The following COL4A3 variants were observed in gnomAD, a reference collection of about 807,000 sequenced individuals.
COL4A3 encodes collagen type IV alpha 3 chain.
COL4A3 carries 135 observed loss-of-function variants against 217.4 expected under a neutral mutation model. The observed-to-expected ratio is 0.62, with a 90% CI of 0.54 to 0.72. The LOEUF is 0.72. Ranked by LOEUF, COL4A3 falls within the 30% of genes least tolerant of loss-of-function variation. The probability of loss-of-function intolerance (pLI) is 0.00; values close to 1 mark genes in which losing one functional copy is unlikely to be tolerated. For missense variants in COL4A3, 1,868 were observed against 2,119.9 expected (o/e 0.88, Z 2.33); for synonymous variants, 690 against 736.3 (o/e 0.94, Z 1.02).
At chr2:227,296,374 T>G in intron 41 of COL4A3, 1 of 314,436 alleles carries the variant, frequency 3.2e-6, no homozygotes, top group Non-Finnish European at 4.6e-6. Context: ...ACACTAGCTT[T>G]TAACTGGAAA....
At chr2:227,229,171 C>T (rs896819406) in intron 1 of COL4A3, among the ~76,000 whole-genome samples, 1 of 152,090 alleles carries the variant, frequency 6.6e-6, no homozygotes, top group Non-Finnish European at 1.5e-5. Flanking sequence ...ACGGGCACTG[C>T]GAGAATTGAG....
At chr2:227,300,123 A>C (rs1574828166) in intron 43 of COL4A3, among the ~76,000 whole-genome samples, 1 of 152,182 alleles carries the variant, frequency 6.6e-6, no homozygotes, top group South Asian at 2.1e-4. Flanking sequence ...CAATCGCCCT[A>C]AAAAATATAG....
intron 1 of COL4A3, among the ~76,000 whole-genome samples, chr2:227,215,347 A>T (rs1574590158): frequency 6.6e-6 from 1 of 150,646 alleles, no homozygotes; most frequent in East Asian, 1.9e-4. Context: ...TTCTTACAAA[A>T]ATATCATATA....
intron 1 of COL4A3, among the ~76,000 whole-genome samples, chr2:227,219,067 T>A (rs1358222341): frequency 6.6e-6 from 1 of 152,000 alleles, no homozygotes; most frequent in East Asian, 1.9e-4. Flanking sequence ...CAATCATGGC[T>A]CACTGCAACC....
In COL4A3 at chr2:227,305,239, G is replaced by A. The variant is rs75703762; in HGVS notation, c.4252+156G>A. On this transcript the variant is annotated intron_variant, in intron 47 of 51. Transcript: ENST00000396578. ...AGGATCAAATGTTCATTTGGAAGAT[G>A]AGAATCAAGAATTATTGGAACACAG... 0.018 allele frequency among the ~76,000 whole-genome samples: 2,745 copies of A among 152,318 alleles called. 63 individuals are homozygous for A. The highest frequency in any genetic ancestry group is 0.063 in the African/African-American group (2,623 of 41,556).
At chr2:227,184,130 G>T (rs1194998717) in intron 1 of COL4A3, among the ~76,000 whole-genome samples, 3 of 152,162 alleles carry the variant, frequency 2.0e-5, no homozygotes, top group Admixed American at 1.3e-4. Context: ...CAGCAGAACT[G>T]GTGGTTCAGC....
At chr2:227,264,842 G>A (rs73993877) in intron 21 of COL4A3, 17,691 of 152,234 alleles carry the variant, frequency 0.12, 1,097 homozygotes, top group Non-Finnish European at 0.15. Context: ...GCTCTCTCCC[G>A]AAGGTGTCAT....
intron 23 of COL4A3, among the ~76,000 whole-genome samples, chr2:227,269,083 T>C (rs547464868): frequency 7.9e-4 from 121 of 152,306 alleles, no homozygotes; most frequent in African/African-American, 2.9e-3. Flanking sequence ...ATGTGTTGAT[T>C]AACTGACCAG....
chr2:227,290,329 C>A (rs926056358), intron 36 of COL4A3, among the ~76,000 whole-genome samples: 2 of 152,166 alleles, frequency 1.3e-5, no homozygotes, highest in African/African-American at 4.8e-5. Context: ...GAAACCCCAT[C>A]TCTACTAAAG....
At position 227,282,858 on chromosome 2, in the gene COL4A3, T is replaced by A. The variant is rs1261162911; in HGVS notation, c.2656+326T>A. Among the ~76,000 whole-genome samples, 2 of 152,144 alleles carry A rather than the reference T, an allele frequency of 1.3e-5. No individual in the cohort carries two copies. The highest frequency in any genetic ancestry group is 2.9e-5 in the Non-Finnish European group (2 of 68,012). ...TGTAGCGTTCTTGTGATGTCTTTGG[T>A]GTTGGTGTCAGAGTAATGCTGGTCT... On this transcript the variant is annotated intron_variant, in intron 32 of 51. Coordinates refer to ENST00000396578, the MANE Select transcript of COL4A3 (RefSeq NM_000091.5). This position sits in a 1 kb window ranked among gnomAD's most constrained non-coding sequence, Gnocchi z 4.4.
At chr2:227,174,496 G>GTGA (rs1422100355) in intron 1 of COL4A3, among the ~76,000 whole-genome samples, 1 of 148,392 alleles carries the variant, frequency 6.7e-6, no homozygotes, top group African/African-American at 2.6e-5. Context: ...TTTTAGTCTA[G>GTGA]TGATTATTAT....
At chr2:227,181,823 C>T (rs562918571) in intron 1 of COL4A3, among the ~76,000 whole-genome samples, 16 of 151,948 alleles carry the variant, frequency 1.1e-4, no homozygotes, top group African/African-American at 2.4e-4. Flanking sequence ...TTTTTAATGA[C>T]GGACATATAG....
chr2:227,260,029 C>A, intron 19 of COL4A3, 152 bp downstream of exon 19: 3 of 762,762 alleles, frequency 3.9e-6, no homozygotes, highest in Non-Finnish European at 7.2e-6. Flanking sequence ...TTTGATGTCT[C>A]CTGCTCTTCA....
chr2:227,303,822 C>T (rs780051607), intron 44 of COL4A3, 37 bp from the exon 45 acceptor site: 1 of 1,594,792 alleles, frequency 6.3e-7, no homozygotes, highest in East Asian at 2.2e-5. Context: ...ACCCATTGAT[C>T]TAAGTGGAAT....
intron 1 of COL4A3, among the ~76,000 whole-genome samples, chr2:227,198,190 G>C (rs1053301844): frequency 1.2e-4 from 19 of 152,172 alleles, no homozygotes; most frequent in African/African-American, 4.3e-4. Context: ...GTCATCTTCT[G>C]TAAGTGATAG....
At chr2:227,186,698 G>A (rs1419524412) in intron 1 of COL4A3, among the ~76,000 whole-genome samples, 3 of 145,332 alleles carry the variant, frequency 2.1e-5, no homozygotes, top group Non-Finnish European at 4.6e-5. Context: ...GTTTTTGAGG[G>A]GGTATTCTAT....
At chr2:227,208,077 G>A (rs569735814) in intron 1 of COL4A3, among the ~76,000 whole-genome samples, 12 of 149,382 alleles carry the variant, frequency 8.0e-5, no homozygotes, top group African/African-American at 1.5e-4. Context: ...TTATGACAGT[G>A]AAATAAATCT....
rs1264083654 is a variant in COL4A3, at chr2:227,279,881, A to C, written c.2214A>C (p.Pro738=). 1 of 1,603,928 alleles carries C rather than the reference A, an allele frequency of 6.2e-7. No individual in the cohort carries two copies. The change falls in exon 29 of 52, where the codon CCA becomes CCC. Residue 738 remains proline (P), a synonymous_variant. Transcript: ENST00000396578. ...GGTTACCTGGAAAGCCAGGCCTCCC[A>C]GGAGCCAAGGTATGCAAAAATTCAA... The part of the protein sequence containing the change: ...EPGLPGKPGL[P]GAKGEPAVAM...
At chr2:227,273,143 G>C in intron 26 of COL4A3, 26 bp downstream of exon 26, 1 of 1,611,816 alleles carries the variant, frequency 6.2e-7, no homozygotes, top group South Asian at 1.1e-5. Flanking sequence ...TTCCAGTCCT[G>C]TTTTCCGATG....
Sources: gnomAD v4.1 joint callset for allele counts (sites outside exome capture counted in the v4.1 genomes callset) on GRCh38, gnomAD v4.1.1 for gene constraint, Gnocchi (gnomAD v3.1) non-coding constraint, MANE v1.5 for transcripts, NCBI Gene and HGNC (gene_info 2026-07-23, HGNC 2026-07-21) for gene names.